The following NEBL variants were observed in gnomAD, a reference collection of about 807,000 sequenced individuals.
The protein encoded by NEBL is nebulette.
NEBL carries 122 observed loss-of-function variants against 140.2 expected under a neutral mutation model. That is an observed-to-expected ratio of 0.87 (90% CI 0.75 to 1.01). The LOEUF (loss-of-function observed/expected upper bound fraction) is 1.01. Ranked by LOEUF, NEBL falls within the 50% of genes least tolerant of loss-of-function variation. The pLI is 0.00. For missense variants in NEBL, 1,365 were observed against 1,231.3 expected, an observed-to-expected ratio of 1.11 and a Z score of -1.62; for synonymous variants, 436 against 398.9, an observed-to-expected ratio of 1.09 and a Z score of -1.11.
intron 2 of NEBL, among the ~76,000 whole-genome samples, chr10:21,038,042 G>A (rs1369703487): frequency 1.3e-5 from 2 of 152,064 alleles, no homozygotes; most frequent in Non-Finnish European, 2.9e-5. Context: ...GAGAGAGAGA[G>A]AAAAGTTTGC....
intron 4 of NEBL, among the ~76,000 whole-genome samples, chr10:20,937,960 G>A (rs1476001862): frequency 2.6e-5 from 4 of 152,194 alleles, no homozygotes; most frequent in Non-Finnish European, 5.9e-5. Flanking sequence ...ACTGGGTGGA[G>A]CCCACCTCAG....
intron 3 of NEBL, among the ~76,000 whole-genome samples, chr10:20,991,901 G>A (rs1202594762): frequency 2.0e-5 from 3 of 152,066 alleles, no homozygotes; most frequent in Non-Finnish European, 2.9e-5. Context: ...ATTTGCTTAG[G>A]ATAATGACCT....
intron 4 of NEBL, among the ~76,000 whole-genome samples, chr10:20,912,300 C>T (rs905112462): frequency 2.0e-5 from 3 of 152,086 alleles, no homozygotes; most frequent in Non-Finnish European, 4.4e-5. Context: ...AATAAAAATG[C>T]ATTAGCTGGG....
chr10:21,246,169 C>A (rs1195542667), intron 3 of NEBL, among the ~76,000 whole-genome samples: 1 of 152,182 alleles, frequency 6.6e-6, no homozygotes, highest in Middle Eastern at 3.2e-3. Context: ...GGGACTGTGT[C>A]TTCTCTGCCT....
intron 14 of NEBL, among the ~76,000 whole-genome samples, chr10:20,835,172 C>A (rs1197307655): frequency 6.6e-6 from 1 of 152,188 alleles, no homozygotes; most frequent in Non-Finnish European, 1.5e-5. Flanking sequence ...CCAAGCAGCA[C>A]ATGATCCATT....
Position 20,840,493 on chromosome 10 carries a change from T to G in NEBL, c.1338+246A>C, listed in dbSNP as rs576060114. Among the ~76,000 whole-genome samples the G allele has an allele frequency of 3.9e-5, 6 of 152,236 alleles. No homozygotes were observed. In the East Asian group the frequency reaches 1.2e-3, roughly 29 times the overall value. On this transcript the variant is annotated intron_variant, in intron 13 of 27. Transcript: ENST00000377122. Reference sequence around the variant, plus strand: ...CCTGCTTAAAAGATGAAGTTAAATCTCATTAAACTATTTTCGTTTATTATA... The same window carrying G: ...CCTGCTTAAAAGATGAAGTTAAATCGCATTAAACTATTTTCGTTTATTATA...
intron 3 of NEBL, chr10:21,217,866 G>A (rs999923223): frequency 6.6e-6 from 1 of 152,208 alleles, no homozygotes; most frequent in African/African-American, 2.4e-5. Flanking sequence ...CAACCAACAA[G>A]TCAGCTAAGA....
Position 21,195,793 on chromosome 10 carries a change from C to T in NEBL, n.349-23316G>A, listed in dbSNP as rs1328276439. Among the ~76,000 whole-genome samples the T allele has an allele frequency of 2.0e-5, 3 of 152,222 alleles. No homozygotes were observed. The South Asian group carries it at 6.2e-4, about 32-fold the overall frequency. On this transcript the variant is annotated intron_variant and non_coding_transcript_variant, in intron 3 of 8. Transcript: ENST00000675702. ...ATAGTAAATTAGCTCTCAGTAAATT[C>T]AAAGTTACCAAAATATACTACAATC...
intron 4 of NEBL, among the ~76,000 whole-genome samples, chr10:20,936,195 G>C (rs756835164): frequency 7.2e-5 from 11 of 152,046 alleles, no homozygotes; most frequent in Non-Finnish European, 1.3e-4. Flanking sequence ...CATATTCTAA[G>C]AGCTAATATT....
intron 2 of NEBL, among the ~76,000 whole-genome samples, chr10:21,024,366 C>T (rs553877704): frequency 4.0e-5 from 6 of 151,674 alleles, no homozygotes; most frequent in South Asian, 2.1e-4. Context: ...GTATTAGTAA[C>T]GAAAATAATA....
intron 4 of NEBL, among the ~76,000 whole-genome samples, chr10:20,904,132 T>C (rs1488578543): frequency 6.6e-6 from 1 of 152,212 alleles, no homozygotes. Context: ...CAAAGTATCT[T>C]CTGCTGTACT....
At position 20,791,438 on chromosome 10, in the gene NEBL, C is replaced by T. The variant is rs7894485; in HGVS notation, c.2762-4130G>A. Among the ~76,000 whole-genome samples the T allele has an allele frequency of 2.9e-3, 438 of 152,258 alleles. 5 individuals are homozygous for T. Among genetic ancestry groups the T allele is most frequent in the African/African-American group, 8.9e-3 (370 of 41,556 alleles). ...GTGTTTTTTGAGATGGGGTCTCACT[C>T]TGTCACCCAGGCTGTAGAGTAGTGA... On this transcript the variant is annotated intron_variant, in intron 26 of 27. Coordinates refer to ENST00000377122, the MANE Select transcript of NEBL (RefSeq NM_006393.3).
At chr10:20,865,726 C>A (rs1175221717) in intron 7 of NEBL, among the ~76,000 whole-genome samples, 1 of 152,158 alleles carries the variant, frequency 6.6e-6, no homozygotes, top group Admixed American at 6.5e-5. Flanking sequence ...ATGTCCCCAA[C>A]CTCTTGCACA....
chr10:20,847,095 C>T (rs1189566911), intron 11 of NEBL, among the ~76,000 whole-genome samples: 1 of 152,086 alleles, frequency 6.6e-6, no homozygotes, highest in Non-Finnish European at 1.5e-5. Context: ...CATAGTCAAA[C>T]CTACCTCTTG....
At chr10:21,232,853 G>GC (rs1589340131) in intron 3 of NEBL, among the ~76,000 whole-genome samples, 2 of 152,290 alleles carry the variant, frequency 1.3e-5, no homozygotes, top group East Asian at 3.9e-4. Flanking sequence ...AAAGCCAAAA[G>GC]CAAAAGCAGC....
chr10:21,019,988 A>G, intron 3 of NEBL: 1 of 800,564 alleles, frequency 1.2e-6, no homozygotes, highest in Non-Finnish European at 2.2e-6. Flanking sequence ...ATTCCCACAC[A>G]GGCCTGCTTT....
chr10:20,809,170 C>G (rs1486873514), intron 25 of NEBL, among the ~76,000 whole-genome samples: 1 of 152,082 alleles, frequency 6.6e-6, no homozygotes, highest in Non-Finnish European at 1.5e-5. Context: ...AGAGCAAGAT[C>G]TAAATGACAT....
rs565479388 is a variant in NEBL at position 20,841,749 on chromosome 10, T to C, written c.1228-900A>G. Among the ~76,000 whole-genome samples the C allele has an allele frequency of 2.0e-5, 3 of 152,234 alleles. No homozygotes were observed. In the South Asian group the frequency reaches 6.2e-4, roughly 32 times the overall value. ...AATAGAAAATCCAAAGATTGAGTTA[T>C]TGTCCAGTTGGAATTCACATGATGT... On this transcript the variant is annotated intron_variant, in intron 12 of 27. Transcript: ENST00000377122.
intron 11 of NEBL, among the ~76,000 whole-genome samples, chr10:20,846,742 T>C (rs1276701135): frequency 6.6e-6 from 1 of 152,092 alleles, no homozygotes; most frequent in East Asian, 1.9e-4. Flanking sequence ...TGCATTTACA[T>C]CAGCTAATTC....
Sources: gnomAD v4.1 joint callset for allele counts (sites outside exome capture counted in the v4.1 genomes callset) on GRCh38, gnomAD v4.1.1 for gene constraint, MANE v1.5 for transcripts, NCBI Gene and HGNC (gene_info 2026-07-23, HGNC 2026-07-21) for gene names.